HS3ST5: variants seen among roughly 807,000 people sequenced by gnomAD.
The protein encoded by HS3ST5 is heparan sulfate glucosamine 3-O-sulfotransferase 5.
A neutral mutation model predicts 25.4 loss-of-function variants in HS3ST5; 10 were observed. The observed-to-expected ratio is 0.39, with a 90% CI of 0.24 to 0.67. HS3ST5 has a LOEUF of 0.67. HS3ST5 is among the 30% of genes least tolerant of loss of function. The pLI is 0.44. For synonymous variants in HS3ST5, 170 were observed against 162.4 expected, an observed-to-expected ratio of 1.05 and a Z score of -0.36; for missense variants, 324 against 420.7, an observed-to-expected ratio of 0.77 and a Z score of 2.01.
intron 2 of HS3ST5, among the ~76,000 whole-genome samples, chr6:114,184,054 C>CTTTTTTTT (rs34370810): frequency 1.3e-4 from 10 of 78,738 alleles, no homozygotes; most frequent in Admixed American, 3.8e-4. Context: ...TTTTTCCTTT[C>CTTTTTTTT]TTTTTTTTTT....
chr6:114,134,134 G>T (rs564735366), intron 3 of HS3ST5, among the ~76,000 whole-genome samples: 22 of 152,216 alleles, frequency 1.4e-4, no homozygotes, highest in African/African-American at 5.1e-4. Context: ...TGGAGGGCAG[G>T]GTAAGGACTT....
intron 3 of HS3ST5, chr6:114,132,121 CA>C (rs947770267): frequency 3.3e-5 from 5 of 152,000 alleles, no homozygotes; most frequent in Admixed American, 2.6e-4. Flanking sequence ...AAACTGGTGC[CA>C]AAAGTGACAA....
chr6:114,341,589 C>CCGCGCG (rs5879260), intron 1 of HS3ST5, among the ~76,000 whole-genome samples: 12,395 of 145,636 alleles, frequency 0.085, 686 homozygotes, highest in Non-Finnish European at 0.12. Flanking sequence ...TGCATCCATC[C>CCGCGCG]CGCGCGCGCG....
intron 2 of HS3ST5, among the ~76,000 whole-genome samples, chr6:114,187,631 C>A (rs1780289129): frequency 6.6e-6 from 1 of 152,060 alleles, no homozygotes. Context: ...GTTGAGATGA[C>A]AATAAAGGTT....
intron 2 of HS3ST5, among the ~76,000 whole-genome samples, chr6:114,215,620 T>C (rs1439923637): frequency 6.6e-6 from 1 of 152,124 alleles, no homozygotes. Flanking sequence ...TCATACCCAC[T>C]GGTTGTCCTC....
chr6:114,061,387 G>A (rs1000794933), intron 4 of HS3ST5, among the ~76,000 whole-genome samples: 3 of 152,140 alleles, frequency 2.0e-5, no homozygotes, highest in African/African-American at 7.2e-5. Context: ...ACTAGTGAGT[G>A]AGACAATTAC....
chr6:114,077,729 T>G (rs1242419374), intron 3 of HS3ST5, among the ~76,000 whole-genome samples: 2 of 152,190 alleles, frequency 1.3e-5, no homozygotes, highest in Admixed American at 6.5e-5. Context: ...TCAAAGGTAG[T>G]ATTCACTACC....
At chr6:114,197,592 A>G (rs910022554) in intron 2 of HS3ST5, among the ~76,000 whole-genome samples, 2 of 152,130 alleles carry the variant, frequency 1.3e-5, no homozygotes, top group African/African-American at 4.8e-5. Flanking sequence ...GACAGTGAAT[A>G]TAGTACCCAA....
chr6:114,313,052 A>AAAAAAAT, intron 1 of HS3ST5, among the ~76,000 whole-genome samples: 1 of 150,148 alleles, frequency 6.7e-6, no homozygotes, highest in African/African-American at 2.5e-5. Flanking sequence ...AAAAAAAAAA[A>AAAAAAAT]AAGATACACT....
chr6:114,086,433 G>A (rs1486572371), intron 3 of HS3ST5, among the ~76,000 whole-genome samples: 1 of 152,146 alleles, frequency 6.6e-6, no homozygotes, highest in Admixed American at 6.5e-5. Context: ...CAAGAAAACC[G>A]GGACCTCATT....
intron 2 of HS3ST5, among the ~76,000 whole-genome samples, chr6:114,222,463 T>C (rs1235537073): frequency 6.6e-6 from 1 of 151,882 alleles, no homozygotes; most frequent in South Asian, 2.1e-4. Flanking sequence ...GTCTTGATTC[T>C]CAGCTGAAAT....
chr6:114,115,521 A>G (rs567471468), intron 3 of HS3ST5, among the ~76,000 whole-genome samples: 2 of 152,144 alleles, frequency 1.3e-5, no homozygotes, highest in African/African-American at 4.8e-5. Context: ...CCTCTTATGG[A>G]AGGGGAAAGA....
chr6:114,099,002 T>C (rs900341253), intron 3 of HS3ST5, among the ~76,000 whole-genome samples: 2 of 152,124 alleles, frequency 1.3e-5, no homozygotes, highest in Non-Finnish European at 2.9e-5. Context: ...AATAAATATA[T>C]ACCCGAAGTT....
chr6:114,218,551 G>A (rs1781877992), intron 2 of HS3ST5, among the ~76,000 whole-genome samples: 1 of 152,132 alleles, frequency 6.6e-6, no homozygotes, highest in African/African-American at 2.4e-5. Flanking sequence ...TAGTTGAAAG[G>A]TTACTAAGCT....
At chr6:114,293,588 C>A (rs1053248737) in intron 1 of HS3ST5, among the ~76,000 whole-genome samples, 1 of 152,132 alleles carries the variant, frequency 6.6e-6, no homozygotes, top group Admixed American at 6.5e-5. Flanking sequence ...CATGGGGCAA[C>A]TTAATTGTAA....
At chr6:114,125,438 CAA>C (rs1354240367) in intron 3 of HS3ST5, among the ~76,000 whole-genome samples, 1 of 152,152 alleles carries the variant, frequency 6.6e-6, no homozygotes, top group Non-Finnish European at 1.5e-5. Context: ...TTTGGTTCAG[CAA>C]AAGAGTCATT....
At chr6:114,325,335 A>C (rs761726023) in intron 1 of HS3ST5, among the ~76,000 whole-genome samples, 29 of 152,316 alleles carry the variant, frequency 1.9e-4, no homozygotes, top group Non-Finnish European at 3.7e-4. Context: ...TCCAGTTTAA[A>C]ATATGGAAAA....
At chr6:114,074,567 CT>C (rs1317230397) in intron 3 of HS3ST5, among the ~76,000 whole-genome samples, 6 of 152,138 alleles carry the variant, frequency 3.9e-5, no homozygotes, top group Non-Finnish European at 8.8e-5. Context: ...TCTATTCTGC[CT>C]TTTTACAGAG....
At position 114,342,642 on chromosome 6, in the gene HS3ST5, G is replaced by A. The variant is rs1195012047; in HGVS notation, c.-786C>T. On this transcript the variant is annotated 5_prime_UTR_variant, in exon 1 of 5. Transcript: ENST00000312719. The stretch of plus-strand genomic sequence containing the variant: ...GGAGACCGCAGCCGCTCTGCGGGGG[G>A]AGGTGCGCATCCTCCTTGCCCCACG... 3 of 152,858 alleles carry A rather than the reference G, an allele frequency of 2.0e-5. No homozygotes were observed. Among genetic ancestry groups the A allele is most frequent in the Non-Finnish European group, 4.4e-5 (3 of 68,544 alleles). 9.5% of individuals were successfully genotyped at this position (152,858 alleles called of 1,614,324 possible).
Sources: allele counts gnomAD v4.1 joint callset (sites outside exome capture counted in the v4.1 genomes callset), GRCh38; gene constraint gnomAD v4.1.1; transcripts MANE v1.5; gene names NCBI Gene and HGNC (gene_info 2026-07-23, HGNC 2026-07-21).